The following SIDT1 variants were observed in gnomAD, a reference collection of about 807,000 sequenced individuals.
SIDT1 encodes the protein SID1 transmembrane family, member 1.
A neutral mutation model predicts 107.5 loss-of-function variants in SIDT1; 101 were observed. The ratio of observed to expected loss-of-function variants is 0.94; its 90% CI spans 0.80 to 1.11. The LOEUF (loss-of-function observed/expected upper bound fraction) is 1.11. SIDT1 is among the 50% of genes least tolerant of loss of function. The pLI, the probability that SIDT1 is intolerant of heterozygous loss-of-function variation, is 0.00. For synonymous variants in SIDT1, 395 were observed against 398.2 expected, an observed-to-expected ratio of 0.99 and a Z score of 0.10; for missense variants, 1,076 against 1,058.2, an observed-to-expected ratio of 1.02 and a Z score of -0.23.
chr3:113,590,219 T>C (rs1944046116), intron 9 of SIDT1: 1 of 152,148 alleles, frequency 6.6e-6, no homozygotes, highest in African/African-American at 2.4e-5. Context: ...CCTCTGCCAT[T>C]CAGGAGTTTG....
intron 1 of SIDT1, among the ~76,000 whole-genome samples, chr3:113,543,706 C>T (rs1939221038): frequency 6.6e-6 from 1 of 152,166 alleles, no homozygotes. Flanking sequence ...TTTATTGCTT[C>T]TTTTTCTGTA....
At position 113,612,341 on chromosome 3, in the gene SIDT1, C is replaced by T. The variant is rs931217828; in HGVS notation, c.1966+147C>T. 9 of 700,082 alleles carry T rather than the reference C, an allele frequency of 1.3e-5. No homozygotes were observed. In the East Asian group the frequency reaches 1.9e-4, roughly 15 times the overall value. 43.4% of individuals were successfully genotyped at this position (700,082 alleles called of 1,614,324 possible). A position where few individuals can be genotyped will look rare whatever the true frequency, so the allele number is the denominator to read the frequency against. On this transcript the variant is annotated intron_variant, in intron 19 of 24. Coordinates refer to ENST00000264852, the MANE Select transcript of SIDT1 (RefSeq NM_017699.3). ...TATGCCATGTTTAATAGCACATATT[C>T]GCTCCAAGAGCTTCCTCTCCCTTAT... is the stretch of plus-strand genomic sequence containing the variant.
intron 19 of SIDT1, 167 bp downstream of exon 19, chr3:113,612,361 C>A: frequency 1.5e-6 from 1 of 681,192 alleles, no homozygotes; most frequent in East Asian, 2.8e-5. Context: ...GCTTCCTCTC[C>A]CTTATAGGAT....
intron 4 of SIDT1, among the ~76,000 whole-genome samples, chr3:113,578,203 C>T (rs979196651): frequency 6.6e-6 from 1 of 152,216 alleles, no homozygotes; most frequent in Non-Finnish European, 1.5e-5. Flanking sequence ...CGATGGCTCA[C>T]GCCTATAATC....
chr3:113,575,134 G>A (rs923167573), intron 3 of SIDT1, among the ~76,000 whole-genome samples: 19 of 152,202 alleles, frequency 1.2e-4, no homozygotes, highest in African/African-American at 4.3e-4. Flanking sequence ...AAAACAGAAA[G>A]TGAATATCAA....
chr3:113,618,087 C>G (rs560199922), intron 20 of SIDT1, among the ~76,000 whole-genome samples: 68 of 152,170 alleles, frequency 4.5e-4, no homozygotes, highest in Non-Finnish European at 9.0e-4. Context: ...CTATTCATCC[C>G]TCCCTCCCTC....
chr3:113,580,569 T>C, intron 4 of SIDT1, 39 bp from the exon 5 acceptor site: 1 of 1,285,114 alleles, frequency 7.8e-7, no homozygotes, highest in Non-Finnish European at 1.1e-6. Flanking sequence ...ATCCCATTCA[T>C]GTAAATATAA....
chr3:113,584,666 G>T, intron 7 of SIDT1, 32 bp from the exon 8 acceptor site: 1 of 1,481,802 alleles, frequency 6.7e-7, no homozygotes, highest in Non-Finnish European at 9.3e-7. Flanking sequence ...GATTCAATGT[G>T]CTTTGTTCTT....
intron 3 of SIDT1, among the ~76,000 whole-genome samples, chr3:113,569,995 T>A (rs750067572): frequency 1.1e-4 from 17 of 152,202 alleles, no homozygotes; most frequent in Non-Finnish European, 2.2e-4. Flanking sequence ...AACCTCCACC[T>A]CCTGGGTTCA....
Position 113,629,518 on chromosome 3 carries a change from C to CA in SIDT1, c.*1811dup, listed in dbSNP as rs1947055675. ...TGCCCCTGCACTCCAGCCTGGATGACAGAGTGAGACCCCATCTCTTAAAAA... is the reference window on the plus strand; with the variant it reads ...TGCCCCTGCACTCCAGCCTGGATGACAAGAGTGAGACCCCATCTCTTAAAAA... On this transcript the variant is annotated 3_prime_UTR_variant, in exon 25 of 25. Transcript: ENST00000264852. 6.6e-6 allele frequency: 1 copy of CA among 152,146 alleles called. No homozygotes were observed. Among genetic ancestry groups the CA allele is most frequent in the Non-Finnish European group, 1.5e-5 (1 of 68,052 alleles). 9.4% of individuals were successfully genotyped at this position (152,146 alleles called of 1,614,324 possible).
chr3:113,633,726 G>A (rs182532127), downstream of SIDT1, among the ~76,000 whole-genome samples: 1 of 152,210 alleles, frequency 6.6e-6, no homozygotes, highest in South Asian at 2.1e-4. Flanking sequence ...CAGATGATGC[G>A]TGGAGCCTGC....
At position 113,545,114 on chromosome 3, in the gene SIDT1, T is replaced by TAAAA. The variant is rs554009768; in HGVS notation, c.222+11895_222+11898dup. ...CGGGCGACAGAGCGAGAGACTCTGT[T>TAAAA]AAAAAAAAAAAAAAAAAAAAAAAAA... is the stretch of plus-strand genomic sequence containing the variant. On this transcript the variant is annotated intron_variant, in intron 1 of 24. Coordinates refer to ENST00000264852, the MANE Select transcript of SIDT1 (RefSeq NM_017699.3). 8.5e-3 allele frequency among the ~76,000 whole-genome samples: 632 copies of TAAAA among 73,958 alleles called. 47 individuals are homozygous for TAAAA. The highest frequency in any genetic ancestry group is 0.032 in the African/African-American group (549 of 17,200). 48.5% of individuals were successfully genotyped at this position (73,958 alleles called of 152,430 possible). A position where few individuals can be genotyped will look rare whatever the true frequency, so the allele number is the denominator to read the frequency against.
intron 1 of SIDT1, among the ~76,000 whole-genome samples, chr3:113,560,726 T>C (rs1941352898): frequency 6.6e-6 from 1 of 152,340 alleles, no homozygotes; most frequent in African/African-American, 2.4e-5. Flanking sequence ...TAATCTAATA[T>C]TCCAAATAAT....
At chr3:113,610,798 C>T (rs997406735) in intron 17 of SIDT1, among the ~76,000 whole-genome samples, 1 of 152,092 alleles carries the variant, frequency 6.6e-6, no homozygotes, top group Non-Finnish European at 1.5e-5. Context: ...AAAGGGCAGC[C>T]TTAGAGAGGT....
At chr3:113,540,778 A>T (rs1347248879) in intron 1 of SIDT1, among the ~76,000 whole-genome samples, 1 of 152,106 alleles carries the variant, frequency 6.6e-6, no homozygotes, top group Non-Finnish European at 1.5e-5. Flanking sequence ...TTTTAAACAA[A>T]GTTTTTGTCT....
intron 1 of SIDT1, among the ~76,000 whole-genome samples, chr3:113,547,073 A>T (rs1057148698): frequency 1.2e-4 from 18 of 152,282 alleles, no homozygotes; most frequent in African/African-American, 4.3e-4. Context: ...ACACACACAT[A>T]AAAACCAACT....
At chr3:113,570,600 A>T (rs2107409553) in intron 3 of SIDT1, among the ~76,000 whole-genome samples, 1 of 152,312 alleles carries the variant, frequency 6.6e-6, no homozygotes, top group South Asian at 2.1e-4. Flanking sequence ...TCATAATATG[A>T]CTTAGCCTCA....
chr3:113,596,916 C>T (rs1944598550), intron 10 of SIDT1, among the ~76,000 whole-genome samples: 4 of 152,164 alleles, frequency 2.6e-5, no homozygotes. Context: ...CTGGATACAG[C>T]CATTACTGAA....
intron 1 of SIDT1, among the ~76,000 whole-genome samples, chr3:113,557,130 G>A (rs1164403281): frequency 6.6e-6 from 1 of 152,132 alleles, no homozygotes; most frequent in Non-Finnish European, 1.5e-5. Flanking sequence ...TTTGCAAGTC[G>A]AGCAAGGTTC....
Sources: allele counts gnomAD v4.1 joint callset (sites outside exome capture counted in the v4.1 genomes callset), GRCh38; gene constraint gnomAD v4.1.1; transcripts MANE v1.5; gene names NCBI Gene and HGNC (gene_info 2026-07-23, HGNC 2026-07-21).